The following SIK3 variants were observed in gnomAD, a reference collection of about 807,000 sequenced individuals.
The protein encoded by SIK3 is SIK family kinase 3, also known as serine/threonine-protein kinase SIK3.
SIK3 carries 28 observed loss-of-function variants against 144.2 expected under a neutral mutation model. The ratio of observed to expected loss-of-function variants is 0.19; its 90% CI spans 0.14 to 0.27. SIK3 has a LOEUF of 0.27. SIK3 is among the 10% of genes least tolerant of loss of function. The pLI is 1.00. For synonymous variants in SIK3, 686 were observed against 676.3 expected (o/e 1.01, Z -0.22); for missense variants, 1,319 against 1,776.0 (o/e 0.74, Z 4.62).
At chr11:116,949,767 C>T (rs1311697032) in intron 3 of SIK3, among the ~76,000 whole-genome samples, 1 of 152,240 alleles carries the variant, frequency 6.6e-6, no homozygotes, top group East Asian at 1.9e-4. Flanking sequence ...ACAACCTCCA[C>T]TGTTCTTTTT....
intron 1 of SIK3, among the ~76,000 whole-genome samples, chr11:117,022,693 A>G (rs1479244599): frequency 6.6e-6 from 1 of 152,202 alleles, no homozygotes; most frequent in Non-Finnish European, 1.5e-5. Context: ...TCACCCTGTG[A>G]TATCTCCTCT....
In SIK3 at chr11:116,898,024, G is replaced by A. The variant is rs1027159068; in HGVS notation, c.617-707C>T. ...GTTTTAGGGTACATGTGCACAATGT[G>A]CAGGTTAGTTACATATGTATACATG... On this transcript the variant is annotated intron_variant, in intron 4 of 24. Transcript: ENST00000445177. Among the ~76,000 whole-genome samples, 9 of 151,976 alleles carry A rather than the reference G, an allele frequency of 5.9e-5. No homozygotes were observed. In the East Asian group the frequency reaches 9.7e-4, roughly 16 times the overall value.
At chr11:116,920,732 C>T (rs1289577337) in intron 4 of SIK3, among the ~76,000 whole-genome samples, 1 of 152,094 alleles carries the variant, frequency 6.6e-6, no homozygotes, top group South Asian at 2.1e-4. Flanking sequence ...TTATCAGTAC[C>T]GCCTGAACTT....
chr11:116,920,095 C>T (rs780312031), intron 4 of SIK3, among the ~76,000 whole-genome samples: 7 of 151,722 alleles, frequency 4.6e-5, no homozygotes, highest in Non-Finnish European at 7.4e-5. Context: ...TAAACATCTA[C>T]TGCTCCTGCC....
At chr11:116,905,686 G>A (rs1373482915) in intron 4 of SIK3, among the ~76,000 whole-genome samples, 1 of 152,068 alleles carries the variant, frequency 6.6e-6, no homozygotes, top group Non-Finnish European at 1.5e-5. Flanking sequence ...ATCTTACAGT[G>A]GTTTTCATTT....
chr11:116,990,502 T>C (rs903224967), intron 1 of SIK3, among the ~76,000 whole-genome samples: 1 of 152,172 alleles, frequency 6.6e-6, no homozygotes, highest in African/African-American at 2.4e-5. Context: ...AATACCTTAG[T>C]ATAACAGTGC....
At chr11:117,023,721 G>C (rs913631427) in intron 1 of SIK3, among the ~76,000 whole-genome samples, 1 of 150,622 alleles carries the variant, frequency 6.6e-6, no homozygotes, top group Admixed American at 6.6e-5. Flanking sequence ...GTGTCACCCA[G>C]GCTGGAGTGC....
intron 4 of SIK3, among the ~76,000 whole-genome samples, chr11:116,900,045 C>T (rs551583584): frequency 2.6e-5 from 4 of 152,280 alleles, no homozygotes; most frequent in Non-Finnish European, 5.9e-5. Context: ...GCTACTTCTA[C>T]CAGCATTTGA....
intron 1 of SIK3, among the ~76,000 whole-genome samples, chr11:117,080,011 G>C (rs1207794791): frequency 6.6e-6 from 1 of 152,020 alleles, no homozygotes; most frequent in Non-Finnish European, 1.5e-5. Flanking sequence ...TCCAGCCTGG[G>C]TGACAGAGTG....
chr11:116,881,515 T>C (rs917826902), intron 6 of SIK3, among the ~76,000 whole-genome samples: 2 of 152,110 alleles, frequency 1.3e-5, no homozygotes, highest in Non-Finnish European at 2.9e-5. Flanking sequence ...CCAGTGTGAG[T>C]CCGTATCTGT....
chr11:116,973,853 C>G (rs537906906), intron 1 of SIK3, among the ~76,000 whole-genome samples: 1 of 152,214 alleles, frequency 6.6e-6, no homozygotes, highest in East Asian at 1.9e-4. Flanking sequence ...TACTCAAAAC[C>G]ATTAAGGTCA....
chr11:116,932,388 G>A (rs1947662917), intron 3 of SIK3, among the ~76,000 whole-genome samples: 2 of 152,138 alleles, frequency 1.3e-5, no homozygotes, highest in Non-Finnish European at 1.5e-5. Context: ...ATTATAGAAC[G>A]ATATCAAAAC....
chr11:116,875,865 C>T lies in SIK3; in HGVS notation c.1239+1G>A. On this transcript the variant is annotated splice_donor_variant, in intron 9 of 24. Coordinates refer to ENST00000445177, the MANE Select transcript of SIK3 (RefSeq NM_001366686.3). LOFTEE classifies it high-confidence loss of function. ...ACTAGGTCACTGGAGTTATTGCCCA[C>T]CTGGATATTGACTGGTGCTTGAAAG... 6.2e-7 allele frequency: 1 copy of T among 1,600,082 alleles called. No homozygotes were observed. The highest frequency in any genetic ancestry group is 8.5e-7 in the Non-Finnish European group (1 of 1,176,224).
intron 1 of SIK3, among the ~76,000 whole-genome samples, chr11:116,957,357 G>A (rs746179437): frequency 8.5e-5 from 13 of 152,230 alleles, no homozygotes; most frequent in Middle Eastern, 3.4e-3. Context: ...CATAGATGTC[G>A]TTACGGTCTG....
At chr11:117,048,334 A>G (rs1953056752) in intron 1 of SIK3, among the ~76,000 whole-genome samples, 1 of 152,228 alleles carries the variant, frequency 6.6e-6, no homozygotes, top group Non-Finnish European at 1.5e-5. Flanking sequence ...TTAATGAAAT[A>G]CATTTAATTA....
chr11:117,074,327 C>T (rs912283613), intron 1 of SIK3, among the ~76,000 whole-genome samples: 4 of 152,094 alleles, frequency 2.6e-5, no homozygotes, highest in Non-Finnish European at 4.4e-5. Context: ...CTTATTTTCC[C>T]ACCCCCACTT....
chr11:116,997,692 T>C lies in SIK3; in HGVS notation c.274-40628A>G, dbSNP rs139459046. The stretch of plus-strand genomic sequence containing the variant: ...AAAGTGAGATATCAGTATACTAAAA[T>C]GAGAACATTAACATTCTTAACATTT... On this transcript the variant is annotated intron_variant, in intron 1 of 24. Coordinates refer to ENST00000445177, the MANE Select transcript of SIK3 (RefSeq NM_001366686.3). Among the ~76,000 whole-genome samples the C allele has an allele frequency of 8.8e-4, 134 of 152,268 alleles. 2 individuals carry two copies. In the East Asian group the frequency reaches 0.02, roughly 22 times the overall value.
At chr11:117,017,667 T>C (rs933934869) in intron 1 of SIK3, among the ~76,000 whole-genome samples, 2 of 152,086 alleles carry the variant, frequency 1.3e-5, no homozygotes, top group Non-Finnish European at 2.9e-5. Context: ...GAAAAAAAAC[T>C]GGTTATACAA....
chr11:116,911,905 T>C (rs1946367564), intron 4 of SIK3, among the ~76,000 whole-genome samples: 2 of 152,174 alleles, frequency 1.3e-5, no homozygotes, highest in Admixed American at 1.3e-4. Flanking sequence ...AACATTAAAA[T>C]GATGAATATT....
Sources: gnomAD v4.1 joint callset for allele counts (sites outside exome capture counted in the v4.1 genomes callset) on GRCh38, gnomAD v4.1.1 for gene constraint, MANE v1.5 for transcripts, NCBI Gene and HGNC (gene_info 2026-07-23, HGNC 2026-07-21) for gene names.